Variants in DOK5 observed in about 807,000 individuals in gnomAD.
DOK5 encodes the protein docking protein 5.
DOK5 carries 27 observed loss-of-function variants against 43.3 expected under a neutral mutation model. The ratio of observed to expected loss-of-function variants is 0.62; its 90% CI spans 0.46 to 0.86. The LOEUF (loss-of-function observed/expected upper bound fraction) is 0.86, where lower values mean the gene tolerates loss of function less well. Ranked by LOEUF, DOK5 falls within the 40% of genes least tolerant of loss-of-function variation. DOK5 has a pLI of 0.00. For synonymous variants in DOK5, 146 were observed against 140.1 expected, an observed-to-expected ratio of 1.04 and a Z score of -0.30; for missense variants, 373 against 392.9, an observed-to-expected ratio of 0.95 and a Z score of 0.43.
At chr20:54,530,109 G>T (rs1292255818) in intron 1 of DOK5, among the ~76,000 whole-genome samples, 1 of 152,168 alleles carries the variant, frequency 6.6e-6, no homozygotes, top group Non-Finnish European at 1.5e-5. Context: ...AATCAAAGAT[G>T]ACCAACTGTT....
Position 54,550,587 on chromosome 20 carries a change from C to T in DOK5, c.67-4346C>T, listed in dbSNP as rs752942800. 2.6e-5 allele frequency among the ~76,000 whole-genome samples: 4 copies of T among 152,152 alleles called. No individual in the cohort carries two copies. The South Asian group carries it at 8.3e-4, about 32-fold the overall frequency. ...TTCAGACCATCGTTAATCTGTTTTC[C>T]GTTTCTATAATTTTGTGACATCAAG... On this transcript the variant is annotated intron_variant, in intron 1 of 7. Transcript: ENST00000262593.
At chr20:54,588,654 GCA>G (rs1307739545) in intron 3 of DOK5, 31 bp from the exon 4 acceptor site, 2 of 1,614,016 alleles carry the variant, frequency 1.2e-6, no homozygotes, top group East Asian at 4.5e-5. Context: ...TGGATGCTGG[GCA>G]CACAGTTTAA....
intron 6 of DOK5, among the ~76,000 whole-genome samples, chr20:54,621,702 T>A (rs1986981715): frequency 6.7e-6 from 1 of 148,914 alleles, no homozygotes; most frequent in Admixed American, 6.7e-5. Flanking sequence ...AAAAAAAAAA[T>A]CACGATTAAA....
chr20:54,595,138 G>A (rs537275300), intron 5 of DOK5, among the ~76,000 whole-genome samples: 7 of 152,240 alleles, frequency 4.6e-5, no homozygotes, highest in Middle Eastern at 3.4e-3. Context: ...TCAGGAGATC[G>A]AGACCATCCT....
chr20:54,547,128 C>T (rs181103195), intron 1 of DOK5, among the ~76,000 whole-genome samples: 63 of 152,302 alleles, frequency 4.1e-4, no homozygotes, highest in Admixed American at 1.4e-3. Context: ...TGGCCCACTG[C>T]TTGGCTTTGT....
chr20:54,573,174 T>C (rs1476470215), intron 2 of DOK5, among the ~76,000 whole-genome samples: 1 of 152,132 alleles, frequency 6.6e-6, no homozygotes, highest in Non-Finnish European at 1.5e-5. Context: ...TTAAGCAGAA[T>C]AATCAGGAAT....
At position 54,567,199 on chromosome 20, in the gene DOK5, C is replaced by A. The variant is rs149294477; in HGVS notation, c.174+12159C>A. Among the ~76,000 whole-genome samples the A allele has an allele frequency of 4.1e-3, 618 of 152,118 alleles. 3 individuals carry two copies. The highest frequency in any genetic ancestry group is 0.014 in the African/African-American group (590 of 41,500). The stretch of plus-strand genomic sequence containing the variant: ...TATTAATTTTGATGAGACCCAATTT[C>A]TGAATTTTTACCTTTATTGTTCATG... On this transcript the variant is annotated intron_variant, in intron 2 of 7. Transcript: ENST00000262593.
chr20:54,617,516 T>A (rs535186508), intron 6 of DOK5, among the ~76,000 whole-genome samples: 68 of 152,176 alleles, frequency 4.5e-4, no homozygotes, highest in African/African-American at 1.2e-3. Flanking sequence ...AGACATGAGG[T>A]CTCCCTATAA....
intron 5 of DOK5, among the ~76,000 whole-genome samples, chr20:54,604,701 A>G (rs1273221744): frequency 6.6e-6 from 1 of 152,134 alleles, no homozygotes; most frequent in Non-Finnish European, 1.5e-5. Flanking sequence ...AGAAAAGCTT[A>G]CCTTAAATAT....
intron 6 of DOK5, among the ~76,000 whole-genome samples, chr20:54,642,642 T>C (rs1012331920): frequency 3.9e-5 from 6 of 151,936 alleles, no homozygotes; most frequent in Admixed American, 2.0e-4. Context: ...GAGAATTGCT[T>C]GAGCCCAGAG....
At chr20:54,488,016 A>G (rs998727642) in intron 1 of DOK5, among the ~76,000 whole-genome samples, 3 of 152,228 alleles carry the variant, frequency 2.0e-5, no homozygotes, top group Admixed American at 2.0e-4. Context: ...TTATTTTCCA[A>G]ACTTTTAAGA....
At chr20:54,607,403 G>GGTGTGTGT (rs10684906) in intron 5 of DOK5, among the ~76,000 whole-genome samples, 10,844 of 145,512 alleles carry the variant, frequency 0.075, 1,020 homozygotes, top group African/African-American at 0.22. Context: ...AGTGGTAAGT[G>GGTGTGTGT]GTGTGTGTGT....
intron 2 of DOK5, among the ~76,000 whole-genome samples, chr20:54,579,486 T>C (rs373678231): frequency 1.3e-5 from 2 of 152,244 alleles, no homozygotes; most frequent in East Asian, 3.9e-4. Flanking sequence ...CATTGTTTTA[T>C]AGCAGATCTC....
chr20:54,610,359 C>T, intron 5 of DOK5, 29 bp from the exon 6 acceptor site: 1 of 1,485,962 alleles, frequency 6.7e-7, no homozygotes, highest in South Asian at 1.4e-5. Flanking sequence ...GCTGGATTTT[C>T]AGAAGCTGTT....
chr20:54,573,894 A>C (rs1357176957), intron 2 of DOK5, among the ~76,000 whole-genome samples: 1 of 152,084 alleles, frequency 6.6e-6, no homozygotes, highest in East Asian at 1.9e-4. Context: ...AACTATGCAA[A>C]CAGAGCCATT....
intron 2 of DOK5, among the ~76,000 whole-genome samples, chr20:54,565,606 A>G (rs1328508577): frequency 6.6e-6 from 1 of 152,178 alleles, no homozygotes; most frequent in African/African-American, 2.4e-5. Flanking sequence ...TCTCTCTAAC[A>G]TTGTCTCTTA....
chr20:54,543,331 G>A (rs934427588), intron 1 of DOK5, among the ~76,000 whole-genome samples: 1 of 150,130 alleles, frequency 6.7e-6, no homozygotes, highest in African/African-American at 2.5e-5. Context: ...ACAGTGGGGG[G>A]TGGGGTGGGT....
intron 5 of DOK5, among the ~76,000 whole-genome samples, chr20:54,593,049 G>T (rs1986031064): frequency 6.6e-6 from 1 of 152,094 alleles, no homozygotes; most frequent in South Asian, 2.1e-4. Flanking sequence ...CCATGTGAAT[G>T]GATAACAGTA....
intron 1 of DOK5, among the ~76,000 whole-genome samples, chr20:54,483,408 C>A (rs1305046295): frequency 6.6e-6 from 1 of 152,114 alleles, no homozygotes; most frequent in African/African-American, 2.4e-5. Flanking sequence ...TTAGTGTTAA[C>A]CACCTTAAAT....
Sources: allele counts gnomAD v4.1 joint callset (sites outside exome capture counted in the v4.1 genomes callset), GRCh38; gene constraint gnomAD v4.1.1; transcripts MANE v1.5; gene names NCBI Gene and HGNC (gene_info 2026-07-23, HGNC 2026-07-21).